CIDEB: variants seen among roughly 807,000 people sequenced by gnomAD.
The protein encoded by CIDEB is lipid transferase CIDEB.
Under a neutral mutation model 22.4 loss-of-function variants are expected in CIDEB, and 27 were observed. The ratio of observed to expected loss-of-function variants is 1.21; its 90% confidence interval spans 0.89 to 1.66. The LOEUF (loss-of-function observed/expected upper bound fraction) is 1.66, where lower values mean the gene tolerates loss of function less well. Among genes scored for constraint, CIDEB ranks in the 40% most tolerant of loss-of-function variants. The pLI, the probability that CIDEB is intolerant of heterozygous loss-of-function variation, is 0.00. For synonymous variants in CIDEB, 103 were observed against 109.5 expected (o/e 0.94, Z 0.37); for missense variants, 289 against 268.7 (o/e 1.08, Z -0.53).
upstream of CIDEB, chr14:24,310,463 G>T (rs1455968758): frequency 4.3e-6 from 3 of 704,378 alleles, no homozygotes; most frequent in Non-Finnish European, 7.7e-6. Context: ...TGGGAGCAGG[G>T]GATCTGGGTT....
chr14:24,310,950 G>T, upstream of CIDEB: 1 of 1,592,690 alleles, frequency 6.3e-7, no homozygotes, highest in Middle Eastern at 1.7e-4. Context: ...GGGCTGCAAG[G>T]CGGTGTACTA....
At chr14:24,311,401 TGCAGGCGGTC>T (rs1211719474), upstream of CIDEB, 7 of 1,602,150 alleles carry the variant, frequency 4.4e-6, no homozygotes, top group Non-Finnish European at 5.9e-6. Flanking sequence ...GTCAACCTTC[TGCAGGCGGTC>T]GCAGCGCTGG....
Position 24,306,057 on chromosome 14 carries a change from G to A in CIDEB, c.417C>T (p.Tyr139=). 6.2e-7 allele frequency: 1 copy of A among 1,614,138 alleles called. No individual in the cohort carries two copies. Among genetic ancestry groups the A allele is most frequent in the Middle Eastern group, 1.7e-4 (1 of 6,056 alleles). The change falls in exon 4 of 5, where the codon TAC becomes TAT. Residue 139 remains tyrosine (Y), a synonymous_variant. Coordinates refer to ENST00000554411, the MANE Select transcript of CIDEB (RefSeq NM_001393339.1). The part of the protein sequence containing the change: ...KDIARFTFDV[Y]KQNPRDLFGS... ...CAAAGAGGTCTCGAGGGTTTTGCTT[G>A]TACACGTCAAAGGTGAATCGGGCGA...
At chr14:24,306,179 A>T (rs756616389) in intron 3 of CIDEB, 42 bp from the exon 4 acceptor site, 1 of 1,587,226 alleles carries the variant, frequency 6.3e-7, no homozygotes, top group South Asian at 1.1e-5. Flanking sequence ...CTCATACCAG[A>T]CACCCACCAC....
rs1385595712 is a variant in CIDEB, at chr14:24,305,497, G to A, written c.*136C>T. 2.8e-6 allele frequency: 3 copies of A among 1,052,824 alleles called. No homozygotes were observed. Among genetic ancestry groups the A allele is most frequent in the Non-Finnish European group, 4.1e-6 (3 of 724,226 alleles). 65.2% of individuals were successfully genotyped at this position (1,052,824 alleles called of 1,614,324 possible). On this transcript the variant is annotated 3_prime_UTR_variant, in exon 5 of 5. Coordinates refer to ENST00000554411, the MANE Select transcript of CIDEB (RefSeq NM_001393339.1). ...GCGTTATGCTGAAAGGTTCTGTCAC[G>A]AGGGGATCAGAGGACAGTGGGGAAA...
At chr14:24,310,842 C>T (rs2041671147), upstream of CIDEB, 1 of 1,595,390 alleles carries the variant, frequency 6.3e-7, no homozygotes, top group Non-Finnish European at 8.5e-7. Flanking sequence ...GGCGGCCACG[C>T]TTGTGCTGCA....
chr14:24,305,595 C>G lies in CIDEB; in HGVS notation c.*38G>C, dbSNP rs368438785. On this transcript the variant is annotated 3_prime_UTR_variant, in exon 5 of 5. Transcript: ENST00000554411. ...TGCTGTCATAGTCTTTGCAGTGGGT[C>G]GGTTGGAATGATTCTGGGGGCAGAA... 1 of 1,591,986 alleles carries G rather than the reference C, an allele frequency of 6.3e-7. No homozygotes were observed. Among genetic ancestry groups the G allele is most frequent in the East Asian group, 2.2e-5 (1 of 44,812 alleles).
intron 2 of CIDEB, chr14:24,307,144 T>C: frequency 2.4e-6 from 1 of 424,718 alleles, no homozygotes; most frequent in Non-Finnish European, 4.2e-6. Flanking sequence ...ATTCTGTCCC[T>C]CGAACTCTCC....
upstream of CIDEB, chr14:24,309,962 GTCC>G (rs371941150): frequency 5.0e-4 from 78 of 157,474 alleles, no homozygotes; most frequent in Non-Finnish European, 9.1e-4. Flanking sequence ...ATTCAGCAGA[GTCC>G]TCCTATTTCC....
At chr14:24,306,165 G>C (rs762650848) in intron 3 of CIDEB, 28 bp from the exon 4 acceptor site, 2 of 1,603,854 alleles carry the variant, frequency 1.2e-6, no homozygotes, top group Non-Finnish European at 1.7e-6. Context: ...CAGTGCAGTA[G>C]ATCCTCATAC....
chr14:24,308,580 C>T (rs567577555), upstream of CIDEB: 1 of 153,328 alleles, frequency 6.5e-6, no homozygotes, highest in Non-Finnish European at 1.5e-5. Flanking sequence ...CATCTTCTCT[C>T]ACTTTTCTCC....
upstream of CIDEB, chr14:24,310,920 G>T (rs745380770): frequency 3.8e-6 from 6 of 1,590,026 alleles, no homozygotes; most frequent in Admixed American, 3.4e-5. Flanking sequence ...GACCCGGCAG[G>T]CCTGGCCGCT....
chr14:24,306,773 C>A, intron 2 of CIDEB: 1 of 525,072 alleles, frequency 1.9e-6, no homozygotes. Flanking sequence ...CCCTCCAAGT[C>A]ACTTCTGGTT....
At chr14:24,311,039 C>G, upstream of CIDEB, 1 of 1,579,392 alleles carries the variant, frequency 6.3e-7, no homozygotes, top group Non-Finnish European at 8.5e-7. Flanking sequence ...CAGTCACCCG[C>G]CCCTTCCTGG....
chr14:24,309,647 C>T (rs557930985), upstream of CIDEB: 2 of 152,386 alleles, frequency 1.3e-5, no homozygotes, highest in South Asian at 4.1e-4. Context: ...CCATGCATCC[C>T]CTGTTCCTCC....
chr14:24,311,150 G>A (rs767626246), upstream of CIDEB: 2 of 1,601,392 alleles, frequency 1.2e-6, no homozygotes, highest in Non-Finnish European at 1.7e-6. Context: ...ACCGCCACCT[G>A]TGGAGGGACC....
At chr14:24,311,160 C>G (rs76678850), upstream of CIDEB, 2 of 1,603,594 alleles carry the variant, frequency 1.2e-6, no homozygotes, top group Non-Finnish European at 1.7e-6. Context: ...GTGGAGGGAC[C>G]GCGTATGCCA....
At chr14:24,311,236 T>G (rs767114413), upstream of CIDEB, 1 of 1,608,738 alleles carries the variant, frequency 6.2e-7, no homozygotes, top group South Asian at 1.1e-5. Context: ...ACCGCTTTCG[T>G]GCTTCCTTTC....
In CIDEB at chr14:24,307,528, A is replaced by G; in HGVS notation, c.42-13T>C. The G allele has an allele frequency of 1.2e-6, 2 of 1,610,912 alleles. No individual in the cohort carries two copies. The highest frequency in any genetic ancestry group is 3.3e-5 in the Admixed American group (2 of 59,730). On this transcript the variant is annotated splice_polypyrimidine_tract_variant and intron_variant, in intron 1 of 4. Coordinates refer to ENST00000554411, the MANE Select transcript of CIDEB (RefSeq NM_001393339.1). Reference sequence around the variant, plus strand: ...ATTAGATACTGACCTGGTAGTTGAGAAGAAAAGTCAAGAAGGGGCGAGGAG... The same window carrying G: ...ATTAGATACTGACCTGGTAGTTGAGGAGAAAAGTCAAGAAGGGGCGAGGAG...
Sources: gnomAD v4.1 joint callset for allele counts on GRCh38, gnomAD v4.1.1 for gene constraint, MANE v1.5 for transcripts, NCBI Gene and HGNC (gene_info 2026-07-23, HGNC 2026-07-21) for gene names.